The following SPTLC1 variants were observed in gnomAD, a reference collection of about 807,000 sequenced individuals.
SPTLC1 encodes the protein serine palmitoyltransferase long chain base subunit 1.
A neutral mutation model predicts 68.9 loss-of-function variants in SPTLC1; 55 were observed. That is an observed-to-expected ratio of 0.80 (90% CI 0.64 to 1.00). The LOEUF (loss-of-function observed/expected upper bound fraction) is 1.00, where lower values mean the gene tolerates loss of function less well. SPTLC1 is among the 50% of genes least tolerant of loss of function. The pLI, the probability that SPTLC1 is intolerant of heterozygous loss-of-function variation, is 0.00. For synonymous variants in SPTLC1, 197 were observed against 201.6 expected (o/e 0.98, Z 0.19); for missense variants, 449 against 573.1 (o/e 0.78, Z 2.21).
chr9:92,089,281 C>T (rs61611636), intron 3 of SPTLC1, among the ~76,000 whole-genome samples: 3,019 of 152,116 alleles, frequency 0.02, 109 homozygotes, highest in African/African-American at 0.068. Context: ...GGCATGGTGG[C>T]GCATGCCTAT....
intron 3 of SPTLC1, among the ~76,000 whole-genome samples, chr9:92,104,117 A>C (rs992440438): frequency 1.6e-4 from 24 of 152,264 alleles, no homozygotes; most frequent in African/African-American, 5.8e-4. Context: ...CCCAGTGTGC[A>C]CCCGGCCACA....
intron 6 of SPTLC1, among the ~76,000 whole-genome samples, chr9:92,059,648 G>A (rs1587929920): frequency 6.6e-6 from 1 of 152,082 alleles, no homozygotes; most frequent in Non-Finnish European, 1.5e-5. Context: ...ACCATCAGTG[G>A]CATCTCTGAT....
chr9:92,072,759 A>G (rs1834543060), intron 5 of SPTLC1, among the ~76,000 whole-genome samples: 1 of 152,086 alleles, frequency 6.6e-6, no homozygotes, highest in African/African-American at 2.4e-5. Flanking sequence ...TGCGGGACTT[A>G]GACAACTTCG....
intron 5 of SPTLC1, chr9:92,076,689 C>CTTTCT (rs898879073): frequency 2.6e-5 from 4 of 152,160 alleles, no homozygotes; most frequent in African/African-American, 4.8e-5. Flanking sequence ...CCCATCAAGG[C>CTTTCT]TTTCTTAAAC....
intron 3 of SPTLC1, among the ~76,000 whole-genome samples, chr9:92,091,562 A>T (rs752492827): frequency 2.7e-4 from 41 of 152,244 alleles, no homozygotes; most frequent in Admixed American, 7.2e-4. Flanking sequence ...TATATGTGCA[A>T]TTACATTAAT....
intron 5 of SPTLC1, chr9:92,079,333 T>G: frequency 1.5e-6 from 2 of 1,324,690 alleles, no homozygotes; most frequent in Non-Finnish European, 2.0e-6. Context: ...GCCTCAGCCT[T>G]TGAAAGTGCT....
intron 12 of SPTLC1, among the ~76,000 whole-genome samples, chr9:92,039,233 T>C (rs1314143612): frequency 6.6e-6 from 1 of 152,244 alleles, no homozygotes; most frequent in South Asian, 2.1e-4. Flanking sequence ...TATTTGCATG[T>C]TAAGTTTTAG....
intron 3 of SPTLC1, among the ~76,000 whole-genome samples, chr9:92,100,935 G>A (rs901902409): frequency 3.3e-5 from 5 of 151,384 alleles, no homozygotes; most frequent in Non-Finnish European, 4.4e-5. Context: ...GACACCCTAA[G>A]ACACATCTCC....
intron 5 of SPTLC1, among the ~76,000 whole-genome samples, chr9:92,072,321 T>A (rs1324676535): frequency 2.6e-5 from 4 of 152,110 alleles, no homozygotes; most frequent in Non-Finnish European, 4.4e-5. Flanking sequence ...CCTCTTTTTC[T>A]CTCCTCAAAA....
At chr9:92,092,881 A>T (rs950728867) in intron 3 of SPTLC1, among the ~76,000 whole-genome samples, 8 of 152,254 alleles carry the variant, frequency 5.3e-5, no homozygotes, top group South Asian at 2.1e-4. Flanking sequence ...TGTCCTAAAC[A>T]TATATGAAAC....
chr9:92,050,165 C>T, intron 8 of SPTLC1, 98 bp from the exon 9 acceptor site: 1 of 789,748 alleles, frequency 1.3e-6, no homozygotes, highest in South Asian at 1.5e-5. Flanking sequence ...ACAGCTGACT[C>T]TCAATACTTG....
chr9:92,099,451 T>G (rs1835663933), intron 3 of SPTLC1, among the ~76,000 whole-genome samples: 1 of 151,726 alleles, frequency 6.6e-6, no homozygotes, highest in Non-Finnish European at 1.5e-5. Flanking sequence ...AGTGGTCCTA[T>G]AAGAGTAAAA....
intron 3 of SPTLC1, among the ~76,000 whole-genome samples, chr9:92,098,768 A>C (rs1377648949): frequency 1.3e-5 from 2 of 152,200 alleles, no homozygotes; most frequent in African/African-American, 4.8e-5. Context: ...GTAAACCAAG[A>C]GACAGGAAAT....
intron 8 of SPTLC1, chr9:92,053,920 T>A: frequency 1.0e-6 from 1 of 972,292 alleles, no homozygotes; most frequent in Middle Eastern, 5.3e-4. Flanking sequence ...TATGTGAATT[T>A]CACCTCAATA....
chr9:92,103,205 CA>C (rs1483445540), intron 3 of SPTLC1, among the ~76,000 whole-genome samples: 1 of 152,182 alleles, frequency 6.6e-6, no homozygotes, highest in Admixed American at 6.5e-5. Context: ...TCCTTCCCAT[CA>C]GACGAGAAAG....
At chr9:92,105,679 G>T (rs1190563377) in intron 3 of SPTLC1, among the ~76,000 whole-genome samples, 1 of 151,032 alleles carries the variant, frequency 6.6e-6, no homozygotes, top group Non-Finnish European at 1.5e-5. Context: ...CCTCTGCCAG[G>T]CCCCCACCCT....
intron 12 of SPTLC1, among the ~76,000 whole-genome samples, chr9:92,044,015 C>T (rs1322242495): frequency 1.3e-5 from 2 of 152,144 alleles, no homozygotes; most frequent in African/African-American, 4.8e-5. Context: ...CATCTAGATA[C>T]CAGCACGGTT....
intron 3 of SPTLC1, among the ~76,000 whole-genome samples, chr9:92,105,968 C>A (rs1430791798): frequency 6.6e-6 from 1 of 151,264 alleles, no homozygotes; most frequent in Non-Finnish European, 1.5e-5. Context: ...GGCCGCCGTC[C>A]CATCTGGGAA....
chr9:92,031,999 T>C lies in SPTLC1; in HGVS notation c.*466A>G. ...ATACGTGGTTTATTTAGATCTTCAA[T>C]ATAAATTTGTACCACATATGTTGAA... is the stretch of plus-strand genomic sequence containing the variant. On this transcript the variant is annotated 3_prime_UTR_variant, in exon 15 of 15. Coordinates refer to ENST00000262554, the MANE Select transcript of SPTLC1 (RefSeq NM_006415.4). 2.9e-6 allele frequency: 1 copy of C among 344,054 alleles called. No individual in the cohort carries two copies. Among genetic ancestry groups the C allele is most frequent in the South Asian group, 8.3e-5 (1 of 12,072 alleles). 21.3% of individuals were successfully genotyped at this position (344,054 alleles called of 1,614,324 possible).
Sources: allele counts gnomAD v4.1 joint callset (sites outside exome capture counted in the v4.1 genomes callset), GRCh38; gene constraint gnomAD v4.1.1; transcripts MANE v1.5; gene names NCBI Gene and HGNC (gene_info 2026-07-23, HGNC 2026-07-21).